The following WFDC1 variants were observed in gnomAD, a reference collection of about 807,000 sequenced individuals.
The protein encoded by WFDC1 is WAP four-disulfide core domain protein 1.
Under a neutral mutation model 32.9 loss-of-function variants are expected in WFDC1, and 39 were observed. That is an observed-to-expected ratio of 1.19 (90% CI 0.92 to 1.55). The LOEUF is 1.55. Among genes scored for constraint, WFDC1 ranks in the 40% most tolerant of loss-of-function variants. WFDC1 has a pLI of 0.00. For missense variants in WFDC1, 386 were observed against 309.5 expected, an observed-to-expected ratio of 1.25 and a Z score of -1.85; for synonymous variants, 184 against 137.4, an observed-to-expected ratio of 1.34 and a Z score of -2.37.
intron 1 of WFDC1, among the ~76,000 whole-genome samples, chr16:84,307,736 C>G (rs1288877870): frequency 6.6e-6 from 1 of 152,166 alleles, no homozygotes; most frequent in Non-Finnish European, 1.5e-5. Context: ...TATTCTTAAC[C>G]ACCCTCCGAA....
chr16:84,320,983 G>A lies in WFDC1; in HGVS notation c.562+1412G>A, dbSNP rs79374883. Among the ~76,000 whole-genome samples, 1,517 of 152,222 alleles carry A rather than the reference G, an allele frequency of 1.0e-2. 21 individuals carry two copies. Among genetic ancestry groups the A allele is most frequent in the African/African-American group, 0.034 (1,432 of 41,522 alleles). On this transcript the variant is annotated intron_variant, in intron 4 of 6. Coordinates refer to ENST00000219454, the MANE Select transcript of WFDC1 (RefSeq NM_021197.4). ...TTGCAGATAAAGTGATGCAAATCCC[G>A]GAATCCTGAACTTTGAAGAAATTAT...
intron 4 of WFDC1, among the ~76,000 whole-genome samples, chr16:84,322,170 T>TGC (rs1375506922): frequency 7.2e-6 from 1 of 137,996 alleles, no homozygotes; most frequent in African/African-American, 2.6e-5. Flanking sequence ...CGTGTGTGTG[T>TGC]GTGTGTGTGT....
chr16:84,327,819 T>A (rs1353043144), intron 6 of WFDC1: 1 of 152,226 alleles, frequency 6.6e-6, no homozygotes, highest in Admixed American at 6.5e-5. Context: ...TATCTGATAG[T>A]CATGGTTCCA....
chr16:84,315,085 G>T (rs892773070), intron 2 of WFDC1, among the ~76,000 whole-genome samples: 1 of 152,248 alleles, frequency 6.6e-6, no homozygotes, highest in Non-Finnish European at 1.5e-5. Context: ...GTAGAGAAGT[G>T]TTCATTGCCT....
intron 6 of WFDC1, chr16:84,327,736 T>C (rs1908685296): frequency 6.6e-6 from 1 of 152,222 alleles, no homozygotes; most frequent in Admixed American, 6.5e-5. Flanking sequence ...TTTTCATTCC[T>C]TTGCCTTGAT....
At chr16:84,324,384 C>T in intron 4 of WFDC1, 35 bp from the exon 5 acceptor site, 2 of 1,609,996 alleles carry the variant, frequency 1.2e-6, no homozygotes, top group South Asian at 1.1e-5. Flanking sequence ...TTCTAAACTC[C>T]TAAAAGAAGT....
At chr16:84,311,527 C>CTTACT (rs1555544771) in intron 1 of WFDC1, among the ~76,000 whole-genome samples, 2 of 88,700 alleles carry the variant, frequency 2.3e-5, no homozygotes, top group Non-Finnish European at 4.1e-5. Flanking sequence ...TGCGCCTGGA[C>CTTACT]TTTTTTTTTT....
intron 4 of WFDC1, among the ~76,000 whole-genome samples, chr16:84,323,255 T>G (rs1908409910): frequency 6.6e-6 from 1 of 152,258 alleles, no homozygotes; most frequent in Non-Finnish European, 1.5e-5. Flanking sequence ...AGCCTGATGA[T>G]TTTTAGTATG....
rs150683526 is a variant in WFDC1 at position 84,297,617 on chromosome 16, C to CAAAAAA, written c.144+2527_144+2532dup. On this transcript the variant is annotated intron_variant, in intron 1 of 6. Coordinates refer to ENST00000219454, the MANE Select transcript of WFDC1 (RefSeq NM_021197.4). ...GGGCAACAAGAGTGAAACTCTGTCT[C>CAAAAAA]AAAAAAAAAAAAAAAAAAAAAAAAA... 2.1e-3 allele frequency among the ~76,000 whole-genome samples: 144 copies of CAAAAAA among 69,446 alleles called. 6 individuals carry two copies. Among genetic ancestry groups the CAAAAAA allele is most frequent in the Non-Finnish European group, 3.0e-3 (118 of 38,694 alleles). 45.6% of individuals were successfully genotyped at this position (69,446 alleles called of 152,430 possible).
intron 1 of WFDC1, 125 bp downstream of exon 1, chr16:84,295,240 C>A (rs1299537211): frequency 2.3e-6 from 3 of 1,286,380 alleles, no homozygotes; most frequent in Non-Finnish European, 3.2e-6. Flanking sequence ...AGGCAGGCGT[C>A]TTCCTATCCG....
At chr16:84,326,825 G>T (rs1160790079) in intron 5 of WFDC1, 57 bp from the exon 6 acceptor site, 1 of 1,607,130 alleles carries the variant, frequency 6.2e-7, no homozygotes, top group Non-Finnish European at 8.5e-7. Context: ...GAGCCACGGG[G>T]GGCATTAGAG....
At chr16:84,312,623 T>C (rs1437970301) in intron 1 of WFDC1, among the ~76,000 whole-genome samples, 1 of 152,190 alleles carries the variant, frequency 6.6e-6, no homozygotes, top group Non-Finnish European at 1.5e-5. Flanking sequence ...TATATGTATA[T>C]ACACATATAT....
chr16:84,326,857 C>G (rs12933194), intron 5 of WFDC1, 25 bp from the exon 6 acceptor site: 2 of 1,613,422 alleles, frequency 1.2e-6, no homozygotes, highest in Non-Finnish European at 1.7e-6. Context: ...ACATCTACCC[C>G]AACAGAGCTG....
At chr16:84,303,021 CTTTTTTTT>C in intron 1 of WFDC1, among the ~76,000 whole-genome samples, 1 of 135,078 alleles carries the variant, frequency 7.4e-6, no homozygotes, top group South Asian at 2.5e-4. Context: ...TTCTTTCTTT[CTTTTTTTT>C]TTTTTTTTGG....
At chr16:84,302,963 A>C (rs1028603253) in intron 1 of WFDC1, among the ~76,000 whole-genome samples, 4 of 152,018 alleles carry the variant, frequency 2.6e-5, no homozygotes, top group Non-Finnish European at 4.4e-5. Flanking sequence ...GCACTGACTG[A>C]CAATGACATT....
intron 3 of WFDC1, 85 bp downstream of exon 3, chr16:84,318,440 C>A: frequency 7.4e-7 from 1 of 1,350,368 alleles, no homozygotes; most frequent in Non-Finnish European, 1.0e-6. Flanking sequence ...CAGCACCAGG[C>A]CGGCTGTCCC....
chr16:84,318,498 C>G, intron 3 of WFDC1, 143 bp downstream of exon 3: 1 of 757,886 alleles, frequency 1.3e-6, no homozygotes, highest in Non-Finnish European at 2.3e-6. Context: ...TTGATCCTCC[C>G]CACCCCAGCG....
In WFDC1 at chr16:84,305,801, A is replaced by T. The variant is rs544391920; in HGVS notation, c.145-7160A>T. ...CAGATCACCTGAGCTCAGGAGTTCA[A>T]GACCATCCTGGGCAACAAGGCAAAA... On this transcript the variant is annotated intron_variant, in intron 1 of 6. Coordinates refer to ENST00000219454, the MANE Select transcript of WFDC1 (RefSeq NM_021197.4). Among the ~76,000 whole-genome samples, 11 of 152,244 alleles carry T rather than the reference A, an allele frequency of 7.2e-5. No homozygotes were observed. The East Asian group carries it at 2.1e-3, about 29-fold the overall frequency.
Position 84,319,289 on chromosome 16 carries a change from A to G in WFDC1, c.422-142A>G. On this transcript the variant is annotated intron_variant, in intron 3 of 6. Transcript: ENST00000219454. The stretch of plus-strand genomic sequence containing the variant: ...AGTGAGACCCAGGGCCTAGCCTGGA[A>G]CCTGGGGTACAGAGGCGAGGCCGCC... 3 of 1,150,692 alleles carry G rather than the reference A, an allele frequency of 2.6e-6. No individual in the cohort carries two copies. The Admixed American group carries it at 8.0e-5, about 31-fold the overall frequency. 71.3% of individuals were successfully genotyped at this position (1,150,692 alleles called of 1,614,324 possible).
Sources: allele counts gnomAD v4.1 joint callset (sites outside exome capture counted in the v4.1 genomes callset), GRCh38; gene constraint gnomAD v4.1.1; transcripts MANE v1.5; gene names NCBI Gene and HGNC (gene_info 2026-07-23, HGNC 2026-07-21).